The following DCC variants were observed in gnomAD, a reference collection of about 807,000 sequenced individuals.
DCC encodes DCC netrin 1 receptor.
Under a neutral mutation model 172.5 loss-of-function variants are expected in DCC, and 58 were observed. That is an observed-to-expected ratio of 0.34 (90% CI 0.27 to 0.42). The LOEUF is 0.42. DCC is among the 10% of genes least tolerant of loss of function. DCC has a pLI of 1.00. For missense variants in DCC, 1,740 were observed against 1,791.0 expected, an observed-to-expected ratio of 0.97 and a Z score of 0.51; for synonymous variants, 709 against 644.5, an observed-to-expected ratio of 1.10 and a Z score of -1.52.
rs763206722 is a variant in DCC at position 53,309,371 on chromosome 18, G to C, written c.2053+3652G>C. On this transcript the variant is annotated intron_variant, in intron 13 of 28. Transcript: ENST00000442544. ...TCTTCCAATTAGGACATTAGAGATA[G>C]AGCCCACTTGAAATCCAGGATGACT... Among the ~76,000 whole-genome samples, 142 of 152,088 alleles carry C rather than the reference G, an allele frequency of 9.3e-4. 1 individual carries two copies. Among genetic ancestry groups the C allele is most frequent in the Middle Eastern group, 3.2e-3 (1 of 316 alleles).
At chr18:52,480,050 C>G (rs954954407) in intron 1 of DCC, among the ~76,000 whole-genome samples, 1 of 152,134 alleles carries the variant, frequency 6.6e-6, no homozygotes, top group Non-Finnish European at 1.5e-5. Flanking sequence ...TTATTATTAA[C>G]CCCTAAGACT....
intron 2 of DCC, among the ~76,000 whole-genome samples, chr18:52,897,635 C>T (rs1000394948): frequency 6.6e-6 from 1 of 152,156 alleles, no homozygotes; most frequent in Non-Finnish European, 1.5e-5. Flanking sequence ...GGGTAATCTG[C>T]CTATACTGTT....
intron 1 of DCC, among the ~76,000 whole-genome samples, chr18:52,711,853 A>G (rs1268169312): frequency 6.6e-6 from 1 of 152,192 alleles, no homozygotes; most frequent in Non-Finnish European, 1.5e-5. Flanking sequence ...ACTTTTCTGT[A>G]TAATCCCTGA....
chr18:52,914,607 C>T (rs2040015078), intron 3 of DCC, among the ~76,000 whole-genome samples: 1 of 151,994 alleles, frequency 6.6e-6, no homozygotes, highest in African/African-American at 2.4e-5. Flanking sequence ...TTCTGGTTCC[C>T]GTGATCAGTT....
At chr18:53,450,458 C>T (rs1373752738) in intron 22 of DCC, 42 bp from the exon 23 acceptor site, 1 of 1,610,252 alleles carries the variant, frequency 6.2e-7, no homozygotes, top group Non-Finnish European at 8.5e-7. Flanking sequence ...ACTTCTGCCA[C>T]ATCTTCCTAA....
intron 1 of DCC, among the ~76,000 whole-genome samples, chr18:52,695,640 A>T (rs549509389): frequency 8.9e-4 from 135 of 152,320 alleles, no homozygotes; most frequent in African/African-American, 3.1e-3. Flanking sequence ...AGGAAAACAC[A>T]GTTGTGGCTA....
chr18:52,432,148 A>G (rs773300192), intron 1 of DCC, among the ~76,000 whole-genome samples: 38 of 151,944 alleles, frequency 2.5e-4, no homozygotes, highest in Non-Finnish European at 4.6e-4. Context: ...GTCGCCCCTC[A>G]TCACTAGCTC....
intron 21 of DCC, 80 bp downstream of exon 21, chr18:53,416,236 C>T: frequency 1.0e-6 from 1 of 963,034 alleles, no homozygotes; most frequent in Admixed American, 1.8e-5. Context: ...CTTTATATTC[C>T]TCTTTTCACC....
At chr18:53,134,250 A>C (rs975350898) in intron 7 of DCC, among the ~76,000 whole-genome samples, 9 of 152,210 alleles carry the variant, frequency 5.9e-5, no homozygotes, top group African/African-American at 2.2e-4. Context: ...CAATCCTGAT[A>C]AAGCAGGACA....
chr18:52,372,249 C>G (rs59308724), intron 1 of DCC, among the ~76,000 whole-genome samples: 1 of 152,160 alleles, frequency 6.6e-6, no homozygotes, highest in East Asian at 1.9e-4. Flanking sequence ...ATACTAGACC[C>G]CGTGTAGCTG....
intron 1 of DCC, among the ~76,000 whole-genome samples, chr18:52,742,947 C>A (rs1344484180): frequency 6.6e-6 from 1 of 152,112 alleles, no homozygotes; most frequent in Non-Finnish European, 1.5e-5. Context: ...GAAGGAAATG[C>A]ACAGAAACTT....
intron 1 of DCC, among the ~76,000 whole-genome samples, chr18:52,540,885 C>A (rs1411612085): frequency 6.6e-6 from 1 of 152,130 alleles, no homozygotes; most frequent in Non-Finnish European, 1.5e-5. Flanking sequence ...GGATTGCAGG[C>A]ATGAGCCACC....
intron 5 of DCC, among the ~76,000 whole-genome samples, chr18:52,961,544 G>A (rs1187756931): frequency 1.3e-5 from 2 of 152,164 alleles, no homozygotes; most frequent in Non-Finnish European, 1.5e-5. Flanking sequence ...ACTGCTGAAG[G>A]AAAGCAAAGG....
chr18:53,187,251 T>A lies in DCC; in HGVS notation c.1573+8135T>A, dbSNP rs140531115. 4.8e-3 allele frequency among the ~76,000 whole-genome samples: 728 copies of A among 151,900 alleles called. 19 individuals are homozygous for A. The highest frequency in any genetic ancestry group is 0.042 in the Admixed American group (633 of 15,228). On this transcript the variant is annotated intron_variant, in intron 9 of 28. Coordinates refer to ENST00000442544, the MANE Select transcript of DCC (RefSeq NM_005215.4). ...GATTCTCCTGCCTCAACGTCCCAAG[T>A]GGCTGGGATTACAGGCTCACACCAC...
At chr18:52,782,201 G>C (rs116156488) in intron 2 of DCC, among the ~76,000 whole-genome samples, 1 of 152,110 alleles carries the variant, frequency 6.6e-6, no homozygotes, top group East Asian at 1.9e-4. Flanking sequence ...ATTTTCAAAG[G>C]ACCCCTATAT....
chr18:52,489,096 G>T (rs1313112541), intron 1 of DCC, among the ~76,000 whole-genome samples: 1 of 152,006 alleles, frequency 6.6e-6, no homozygotes, highest in African/African-American at 2.4e-5. Flanking sequence ...AAACATTAAT[G>T]TGAGCACGAA....
At chr18:53,388,570 A>G (rs758277409) in intron 16 of DCC, among the ~76,000 whole-genome samples, 16 of 152,234 alleles carry the variant, frequency 1.1e-4, no homozygotes, top group Non-Finnish European at 2.1e-4. Flanking sequence ...AGAGCTGCTG[A>G]AAGTCTCACG....
At chr18:52,850,732 AAGT>A (rs995901274) in intron 2 of DCC, among the ~76,000 whole-genome samples, 1 of 152,138 alleles carries the variant, frequency 6.6e-6, no homozygotes, top group Non-Finnish European at 1.5e-5. Flanking sequence ...ACTTGAATAA[AAGT>A]AGTTCAATAA....
intron 12 of DCC, among the ~76,000 whole-genome samples, chr18:53,294,758 A>G (rs1416031964): frequency 6.6e-6 from 1 of 152,162 alleles, no homozygotes; most frequent in Non-Finnish European, 1.5e-5. Context: ...CAATCTGAGA[A>G]ATTGTCCCAG....
Sources: gnomAD v4.1 joint callset for allele counts (sites outside exome capture counted in the v4.1 genomes callset) on GRCh38, gnomAD v4.1.1 for gene constraint, MANE v1.5 for transcripts, NCBI Gene and HGNC (gene_info 2026-07-23, HGNC 2026-07-21) for gene names.